EPM2A: variants seen among roughly 807,000 people sequenced by gnomAD.
EPM2A encodes the protein laforin.
In EPM2A, 21 loss-of-function variants were observed where a neutral mutation model predicts 26.5. That is an observed-to-expected ratio of 0.79 (90% CI 0.56 to 1.14). The LOEUF (loss-of-function observed/expected upper bound fraction) is 1.14. Among genes scored for constraint, EPM2A ranks in the 50% most tolerant of loss-of-function variants. The pLI is 0.00. For missense variants in EPM2A, 458 were observed against 440.8 expected (o/e 1.04, Z -0.35); for synonymous variants, 217 against 177.6 (o/e 1.22, Z -1.76).
intron 1 of EPM2A, among the ~76,000 whole-genome samples, chr6:145,692,483 T>G (rs1781337864): frequency 6.6e-6 from 1 of 152,094 alleles, no homozygotes; most frequent in Non-Finnish European, 1.5e-5. Flanking sequence ...TTAGAAAATT[T>G]AAATCATACA....
intron 2 of EPM2A, among the ~76,000 whole-genome samples, chr6:145,590,892 G>A (rs1489028612): frequency 6.6e-5 from 10 of 152,070 alleles, no homozygotes; most frequent in South Asian, 2.1e-4. Context: ...ACCTAGCATC[G>A]AAGCCAGACT....
chr6:145,692,125 G>A (rs765690529), intron 1 of EPM2A, among the ~76,000 whole-genome samples: 27 of 151,842 alleles, frequency 1.8e-4, no homozygotes, highest in Non-Finnish European at 3.1e-4. Flanking sequence ...TACTAGAGAG[G>A]GGAAATTATA....
intron 4 of EPM2A, among the ~76,000 whole-genome samples, chr6:145,454,852 C>T (rs1779239434): frequency 6.6e-6 from 1 of 152,152 alleles, no homozygotes; most frequent in Non-Finnish European, 1.5e-5. Flanking sequence ...CAACACATTG[C>T]AACGGATTGG....
At chr6:145,535,953 A>G (rs991193978) in intron 2 of EPM2A, among the ~76,000 whole-genome samples, 2 of 152,228 alleles carry the variant, frequency 1.3e-5, no homozygotes, top group African/African-American at 4.8e-5. Flanking sequence ...ATCCTTTTAA[A>G]TGAACTTCAA....
downstream of EPM2A, among the ~76,000 whole-genome samples, chr6:145,500,845 G>A (rs1582802592): frequency 6.6e-6 from 1 of 152,050 alleles, no homozygotes; most frequent in African/African-American, 2.4e-5. Flanking sequence ...AGTTTGTCTT[G>A]ACCAGCTCTC....
chr6:145,588,840 G>A (rs1181756126), intron 2 of EPM2A, among the ~76,000 whole-genome samples: 1 of 152,146 alleles, frequency 6.6e-6, no homozygotes, highest in Non-Finnish European at 1.5e-5. Context: ...AACAAATCAA[G>A]CCCATAGGAA....
At chr6:145,455,352 A>C (rs924067759) in intron 4 of EPM2A, among the ~76,000 whole-genome samples, 2 of 152,110 alleles carry the variant, frequency 1.3e-5, no homozygotes, top group Non-Finnish European at 2.9e-5. Context: ...ACAATATACA[A>C]CTAAAAAAAT....
At chr6:145,671,015 G>A (rs1259601212) in intron 2 of EPM2A, 1 of 984,892 alleles carries the variant, frequency 1.0e-6, no homozygotes, top group Non-Finnish European at 1.2e-6. Context: ...TCAAATCATT[G>A]AATCAGATGG....
chr6:145,664,987 C>A (rs1161761879), intron 2 of EPM2A, among the ~76,000 whole-genome samples: 1 of 118,832 alleles, frequency 8.4e-6, no homozygotes, highest in African/African-American at 3.3e-5. Context: ...CACAACATAC[C>A]AGAATCTCTG....
At chr6:145,496,728 ATTTTT>A (rs1554244200), downstream of EPM2A, among the ~76,000 whole-genome samples, 1 of 106,908 alleles carries the variant, frequency 9.4e-6, no homozygotes. Flanking sequence ...AGTTCCTGCA[ATTTTT>A]TTTTTTTTTT....
intron 1 of EPM2A, among the ~76,000 whole-genome samples, chr6:145,706,756 T>C (rs988150943): frequency 1.3e-5 from 2 of 152,374 alleles, no homozygotes; most frequent in East Asian, 1.9e-4. Flanking sequence ...TCAATAATTT[T>C]ATATTGTATA....
intron 4 of EPM2A, among the ~76,000 whole-genome samples, chr6:145,409,997 C>A (rs9484989): frequency 0.054 from 8,283 of 152,236 alleles, 686 homozygotes; most frequent in African/African-American, 0.18. Flanking sequence ...TGAAACACAT[C>A]ATCATTTCTG....
chr6:145,707,697 C>A (rs563401038), intron 1 of EPM2A, among the ~76,000 whole-genome samples: 1 of 152,154 alleles, frequency 6.6e-6, no homozygotes, highest in Non-Finnish European at 1.5e-5. Context: ...CTCAGCCATG[C>A]GGAACTGTGA....
chr6:145,658,713 G>A (rs1215172750), intron 2 of EPM2A, among the ~76,000 whole-genome samples: 3 of 152,042 alleles, frequency 2.0e-5, no homozygotes, highest in South Asian at 4.1e-4. Context: ...GCTTTTATAA[G>A]TTAAAGTAGT....
At chr6:145,421,769 A>G (rs1275454591) in intron 4 of EPM2A, among the ~76,000 whole-genome samples, 1 of 151,842 alleles carries the variant, frequency 6.6e-6, no homozygotes, top group Non-Finnish European at 1.5e-5. Context: ...TATAAGAGAT[A>G]TATTTTAAGT....
intron 2 of EPM2A, among the ~76,000 whole-genome samples, chr6:145,647,716 G>A (rs1022084194): frequency 6.6e-6 from 1 of 152,052 alleles, no homozygotes; most frequent in East Asian, 1.9e-4. Flanking sequence ...GAAGGGGAAG[G>A]GGAAGGGGAA....
rs767010700 is a variant in EPM2A at position 145,735,450 on chromosome 6, G to C, written c.49C>G (p.Arg17Gly). The change falls in exon 1 of 4, where the codon CGG (arginine) becomes GGG (glycine). Residue 17 changes from arginine to glycine, a missense_variant. Arg to Gly is a moderately radical substitution (Grantham distance 125). Transcript: ENST00000367519. The stretch of plus-strand genomic sequence containing the variant: ...GACCCCACCACCAGCAGCTCCGGCC[G>C]GGCGCCGGCCACGGCGGGTGGCACC... ...VVVPPAVAGARPELLVVGSRP... is the reference protein window; with the variant it reads ...VVVPPAVAGAGPELLVVGSRP... 3.8e-5 allele frequency: 47 copies of C among 1,242,106 alleles called. No individual in the cohort carries two copies. The highest frequency in any genetic ancestry group is 4.0e-5 in the Non-Finnish European group (40 of 988,062). 76.9% of individuals were successfully genotyped at this position (1,242,106 alleles called of 1,614,324 possible).
chr6:145,557,223 G>A lies in EPM2A; in HGVS notation c.341-54648C>T, dbSNP rs12110983. ...CTGACAGAAGTTCCACAGAACCATTGGCTGAAATATAAGCTCAACTGCAAG... is the reference window on the plus strand; with the variant it reads ...CTGACAGAAGTTCCACAGAACCATTAGCTGAAATATAAGCTCAACTGCAAG... On this transcript the variant is annotated intron_variant, in intron 2 of 3. Transcript: ENST00000450221. Among the ~76,000 whole-genome samples, 1,170 of 152,104 alleles carry A rather than the reference G, an allele frequency of 7.7e-3. 16 individuals are homozygous for A. The highest frequency in any genetic ancestry group is 0.027 in the African/African-American group (1,114 of 41,528).
At chr6:145,390,110 G>A (rs144372119) in intron 4 of EPM2A, among the ~76,000 whole-genome samples, 116 of 152,224 alleles carry the variant, frequency 7.6e-4, no homozygotes, top group African/African-American at 2.6e-3. Context: ...TGGAAGCTTG[G>A]TAAGTGCAAA....
Sources: gnomAD v4.1 joint callset for allele counts (sites outside exome capture counted in the v4.1 genomes callset) on GRCh38, gnomAD v4.1.1 for gene constraint, MANE v1.5 for transcripts, NCBI Gene and HGNC (gene_info 2026-07-23, HGNC 2026-07-21) for gene names.